Variants in TBCEL observed in about 807,000 individuals in gnomAD.
TBCEL encodes the protein tubulin folding cofactor E like.
Under a neutral mutation model 44.2 loss-of-function variants are expected in TBCEL, and 15 were observed. The observed-to-expected ratio is 0.34, with a 90% CI of 0.23 to 0.52. The LOEUF (loss-of-function observed/expected upper bound fraction) is 0.52, where lower values mean the gene tolerates loss of function less well. Among genes scored for constraint, TBCEL ranks in the 20% least tolerant of loss-of-function variants. The pLI is 0.95. For missense variants in TBCEL, 319 were observed against 506.3 expected, an observed-to-expected ratio of 0.63 and a Z score of 3.55; for synonymous variants, 171 against 185.4, an observed-to-expected ratio of 0.92 and a Z score of 0.63.
chr11:121,074,092 A>C (rs1348706786), intron 8 of TBCEL, among the ~76,000 whole-genome samples: 1 of 151,928 alleles, frequency 6.6e-6, no homozygotes, highest in African/African-American at 2.4e-5. Context: ...TTCTCTACTA[A>C]GTAACTGTTT....
At chr11:121,026,389 T>G (rs1307265126) in intron 1 of TBCEL, among the ~76,000 whole-genome samples, 1 of 152,252 alleles carries the variant, frequency 6.6e-6, no homozygotes, top group African/African-American at 2.4e-5. Context: ...TTTGAAAAGT[T>G]GTTACATAGC....
intron 2 of TBCEL, among the ~76,000 whole-genome samples, chr11:121,039,013 C>A (rs1410173317): frequency 6.6e-6 from 1 of 152,128 alleles, no homozygotes; most frequent in Non-Finnish European, 1.5e-5. Context: ...GCATAAAGAT[C>A]AATAACCCTC....
chr11:121,041,446 A>G lies in TBCEL; in HGVS notation c.-17-4228A>G, dbSNP rs1039263553. Among the ~76,000 whole-genome samples, 11 of 152,310 alleles carry G rather than the reference A, an allele frequency of 7.2e-5. 1 individual carries two copies. The East Asian group carries it at 2.1e-3, about 29-fold the overall frequency. On this transcript the variant is annotated intron_variant, in intron 2 of 8. Transcript: ENST00000683345. ...GAGGCACAAACGAATTGAAATTTTC[A>G]CAGGGCCACTTCACAACTTAGTAAT... is the stretch of plus-strand genomic sequence containing the variant.
chr11:121,036,772 T>C (rs886356430), intron 2 of TBCEL, among the ~76,000 whole-genome samples, 160 bp downstream of exon 2: 1 of 152,194 alleles, frequency 6.6e-6, no homozygotes, highest in Non-Finnish European at 1.5e-5. Flanking sequence ...TAGTTGCTAA[T>C]GTGCAGTTAT....
At chr11:121,038,551 GA>G (rs566657131) in intron 2 of TBCEL, among the ~76,000 whole-genome samples, 21 of 151,674 alleles carry the variant, frequency 1.4e-4, no homozygotes, top group Non-Finnish European at 2.9e-4. Context: ...GAGGTTAGAA[GA>G]AGAGTTCACA....
chr11:121,052,943 A>G (rs1945554951), intron 4 of TBCEL, among the ~76,000 whole-genome samples: 1 of 151,776 alleles, frequency 6.6e-6, no homozygotes. Context: ...CCAAGTTGCT[A>G]GCTAAATCGT....
chr11:121,046,545 G>A (rs766927653), intron 3 of TBCEL, among the ~76,000 whole-genome samples: 9 of 151,956 alleles, frequency 5.9e-5, no homozygotes, highest in Non-Finnish European at 1.0e-4. Flanking sequence ...TTATCTCTAT[G>A]TAACCTGGAA....
intron 2 of TBCEL, among the ~76,000 whole-genome samples, chr11:121,040,357 C>A (rs1945309304): frequency 6.6e-6 from 1 of 152,152 alleles, no homozygotes; most frequent in African/African-American, 2.4e-5. Context: ...TGGAACTGTG[C>A]AAGCTGAGGG....
intron 8 of TBCEL, among the ~76,000 whole-genome samples, chr11:121,065,887 G>C (rs1945811586): frequency 6.6e-6 from 1 of 152,132 alleles, no homozygotes; most frequent in Admixed American, 6.5e-5. Context: ...ACACTAATAT[G>C]ATATTTACTG....
At chr11:121,024,755 A>G (rs941567830) in intron 1 of TBCEL, among the ~76,000 whole-genome samples, 1 of 152,186 alleles carries the variant, frequency 6.6e-6, no homozygotes, top group Non-Finnish European at 1.5e-5. Flanking sequence ...ACATGTCCCC[A>G]GGGAGGTTTG....
rs564921468 is a variant in TBCEL at position 121,037,963 on chromosome 11, A to T, written c.-18+1351A>T. Among the ~76,000 whole-genome samples the T allele has an allele frequency of 1.2e-3, 173 of 144,630 alleles. 6 individuals are homozygous for T. The South Asian group carries it at 0.036, about 30-fold the overall frequency. The allele number at this position is 144,630 out of a possible 152,430, so 94.9% of individuals were successfully genotyped here. A position where few individuals can be genotyped will look rare whatever the true frequency, so the allele number is the denominator to read the frequency against. ...GGAAATTGTAAAAAATGCAGAATGA[A>T]TTTTTTTTTTTTTTTAGACGGAGTC... is the stretch of plus-strand genomic sequence containing the variant. On this transcript the variant is annotated intron_variant, in intron 2 of 8. Transcript: ENST00000683345.
intron 1 of TBCEL, among the ~76,000 whole-genome samples, chr11:121,025,668 C>CTT (rs1945032714): frequency 1.3e-5 from 2 of 151,646 alleles, no homozygotes. Context: ...CAATCAGTGT[C>CTT]CTCATTCTGT....
chr11:121,037,316 T>C (rs768531918), intron 2 of TBCEL, among the ~76,000 whole-genome samples: 11 of 152,346 alleles, frequency 7.2e-5, no homozygotes, highest in Admixed American at 2.0e-4. Flanking sequence ...TTCTACAAAA[T>C]AGTGCTAAAA....
chr11:121,040,891 C>A (rs972049286), intron 2 of TBCEL, among the ~76,000 whole-genome samples: 1 of 152,148 alleles, frequency 6.6e-6, no homozygotes, highest in African/African-American at 2.4e-5. Flanking sequence ...CTGGAGTCAA[C>A]TGTCGATACT....
At chr11:121,077,722 TTTCTA>T (rs1946057519) in intron 8 of TBCEL, among the ~76,000 whole-genome samples, 1 of 151,982 alleles carries the variant, frequency 6.6e-6, no homozygotes, top group African/African-American at 2.4e-5. Flanking sequence ...AGACTGTTCT[TTTCTA>T]TTATAATATT....
At chr11:121,031,229 A>C (rs766380963) in intron 1 of TBCEL, among the ~76,000 whole-genome samples, 7 of 152,174 alleles carry the variant, frequency 4.6e-5, no homozygotes, top group Admixed American at 2.6e-4. Flanking sequence ...TAGATCATAG[A>C]GTATGTGCGT....
intron 8 of TBCEL, among the ~76,000 whole-genome samples, chr11:121,065,613 C>T (rs1243308305): frequency 1.3e-5 from 2 of 152,200 alleles, no homozygotes; most frequent in African/African-American, 4.8e-5. Context: ...ATTTTATTAA[C>T]AGTACCTGCA....
chr11:121,082,657 G>A (rs75159983), intron 8 of TBCEL, among the ~76,000 whole-genome samples: 4,074 of 152,284 alleles, frequency 0.027, 144 homozygotes, highest in African/African-American at 0.077. Flanking sequence ...CCCTGAGGTC[G>A]TGGAAAGCCA....
chr11:121,087,139 G>T lies in TBCEL; in HGVS notation c.*43G>T, dbSNP rs768070185. ...AAAAACATACACATAAGGACTTGTT[G>T]CAGGGCATTTGTTTTTAATGTGGTT... On this transcript the variant is annotated 3_prime_UTR_variant, in exon 9 of 9. Transcript: ENST00000683345. The T allele has an allele frequency of 2.6e-6, 4 of 1,546,426 alleles. No individual in the cohort carries two copies. The highest frequency in any genetic ancestry group is 1.7e-4 in the Middle Eastern group (1 of 5,778).
Sources: allele counts gnomAD v4.1 joint callset (sites outside exome capture counted in the v4.1 genomes callset), GRCh38; gene constraint gnomAD v4.1.1; transcripts MANE v1.5; gene names NCBI Gene and HGNC (gene_info 2026-07-23, HGNC 2026-07-21).